Variants in CNTNAP2 observed in about 807,000 individuals in gnomAD.
CNTNAP2 encodes contactin-associated protein-like 2.
In CNTNAP2, 98 loss-of-function variants were observed where a neutral mutation model predicts 155.2. The ratio of observed to expected loss-of-function variants is 0.63; its 90% CI spans 0.54 to 0.75. The LOEUF is 0.75. Ranked by LOEUF, CNTNAP2 falls within the 30% of genes least tolerant of loss-of-function variation. The pLI is 0.00. For missense variants in CNTNAP2, 1,727 were observed against 1,688.1 expected (o/e 1.02, Z -0.40); for synonymous variants, 651 against 631.2 (o/e 1.03, Z -0.47).
At chr7:146,711,426 T>C (rs1235668596) in intron 1 of CNTNAP2, among the ~76,000 whole-genome samples, 1 of 147,634 alleles carries the variant, frequency 6.8e-6, no homozygotes, top group Non-Finnish European at 1.5e-5. Flanking sequence ...ATATATAATA[T>C]ATACTATATA....
At chr7:148,081,571 AC>A (rs1451973824) in intron 15 of CNTNAP2, among the ~76,000 whole-genome samples, 3 of 152,000 alleles carry the variant, frequency 2.0e-5, no homozygotes, top group African/African-American at 7.2e-5. Flanking sequence ...TTGGGATTGG[AC>A]TGGCTCTCTT....
At chr7:146,561,598 G>A (rs927366167) in intron 1 of CNTNAP2, among the ~76,000 whole-genome samples, 2 of 152,086 alleles carry the variant, frequency 1.3e-5, no homozygotes, top group African/African-American at 4.8e-5. Context: ...GTTCCATGCT[G>A]AAGTGAGCAG....
intron 1 of CNTNAP2, among the ~76,000 whole-genome samples, chr7:146,485,706 T>C (rs1280746790): frequency 1.3e-5 from 2 of 152,052 alleles, no homozygotes; most frequent in Admixed American, 1.3e-4. Context: ...CACTGCAGCC[T>C]CCACCTCGAC....
chr7:146,574,057 G>A (rs1450723607), intron 1 of CNTNAP2, among the ~76,000 whole-genome samples: 3 of 152,150 alleles, frequency 2.0e-5, no homozygotes, highest in African/African-American at 7.2e-5. Flanking sequence ...ATGCTAAGAG[G>A]AAGGAAGAGA....
At chr7:146,351,085 T>C (rs1333159608) in intron 1 of CNTNAP2, among the ~76,000 whole-genome samples, 1 of 150,378 alleles carries the variant, frequency 6.6e-6, no homozygotes, top group Admixed American at 6.6e-5. Flanking sequence ...TGCTAAATGA[T>C]GAGTTAATGG....
At chr7:146,437,102 C>T (rs1294254993) in intron 1 of CNTNAP2, among the ~76,000 whole-genome samples, 4 of 151,280 alleles carry the variant, frequency 2.6e-5, no homozygotes, top group South Asian at 4.1e-4. Context: ...ATAGCGTTGG[C>T]GTTAGGTTCT....
chr7:146,641,980 GA>G (rs1437120226), intron 1 of CNTNAP2, among the ~76,000 whole-genome samples: 2 of 151,984 alleles, frequency 1.3e-5, no homozygotes, highest in Non-Finnish European at 2.9e-5. Flanking sequence ...GAACATTCAA[GA>G]AAAGAACATG....
chr7:147,871,143 C>T (rs888708750), intron 13 of CNTNAP2, among the ~76,000 whole-genome samples: 1 of 152,116 alleles, frequency 6.6e-6, no homozygotes, highest in African/African-American at 2.4e-5. Flanking sequence ...AAGTACATTT[C>T]ACTCATTTAA....
intron 3 of CNTNAP2, among the ~76,000 whole-genome samples, chr7:147,038,636 A>C (rs529176095): frequency 9.9e-5 from 15 of 152,272 alleles, no homozygotes; most frequent in African/African-American, 3.1e-4. Flanking sequence ...CGTGCATTGG[A>C]GATCCCAAGG....
rs545073250 is a variant in CNTNAP2, at chr7:146,120,312, A to AT, written c.97+3340dup. Reference sequence around the variant, plus strand: ...TTAGGCAAGCAAAATTCATTGGTTGATAAAGCATAGCACATTATTTGCTTA... The same window carrying AT: ...TTAGGCAAGCAAAATTCATTGGTTGATTAAAGCATAGCACATTATTTGCTTA... On this transcript the variant is annotated intron_variant, in intron 1 of 23. Transcript: ENST00000361727. Among the ~76,000 whole-genome samples the AT allele has an allele frequency of 4.6e-5, 7 of 152,316 alleles. No individual in the cohort carries two copies. In the South Asian group the frequency reaches 1.4e-3, roughly 32 times the overall value.
chr7:146,691,630 TG>T (rs749215324), intron 1 of CNTNAP2, among the ~76,000 whole-genome samples: 1 of 152,116 alleles, frequency 6.6e-6, no homozygotes, highest in Non-Finnish European at 1.5e-5. Flanking sequence ...AGGGAGGGTT[TG>T]TAGTTTCCTT....
At chr7:147,604,650 T>C (rs887518350) in intron 12 of CNTNAP2, among the ~76,000 whole-genome samples, 3 of 152,152 alleles carry the variant, frequency 2.0e-5, no homozygotes, top group African/African-American at 7.2e-5. Flanking sequence ...ACTCTGTTGT[T>C]TTAGAAGGGG....
At chr7:147,424,936 A>C (rs574596326) in intron 10 of CNTNAP2, among the ~76,000 whole-genome samples, 1 of 152,156 alleles carries the variant, frequency 6.6e-6, no homozygotes, top group Admixed American at 6.5e-5. Flanking sequence ...CCAGTCATTT[A>C]TCTTCATCTC....
intron 1 of CNTNAP2, among the ~76,000 whole-genome samples, chr7:146,631,849 C>A (rs556372001): frequency 2.4e-4 from 36 of 152,242 alleles, no homozygotes; most frequent in Admixed American, 5.2e-4. Flanking sequence ...TCAATACTCT[C>A]TTTTGTTGTT....
chr7:147,775,383 ATATT>A lies in CNTNAP2; in HGVS notation c.2099-128178_2099-128175del, dbSNP rs1225319082. ...TTTATAAATATATATATATTTATATATATTTATAAATATATATATTTATATATAT... is the reference window on the plus strand; with the variant it reads ...TTTATAAATATATATATATTTATATATATAAATATATATATTTATATATAT... On this transcript the variant is annotated intron_variant, in intron 13 of 23. Transcript: ENST00000361727. Among the ~76,000 whole-genome samples, 39 of 82,470 alleles carry A rather than the reference ATATT, an allele frequency of 4.7e-4. 1 individual carries two copies. Among genetic ancestry groups the A allele is most frequent in the African/African-American group, 1.8e-3 (35 of 19,504 alleles). 54.1% of individuals were successfully genotyped at this position (82,470 alleles called of 152,430 possible).
At chr7:147,496,623 G>A (rs1329072602) in intron 11 of CNTNAP2, 1 of 152,074 alleles carries the variant, frequency 6.6e-6, no homozygotes, top group Non-Finnish European at 1.5e-5. Flanking sequence ...CCCCTCAGGA[G>A]CGGTCCAGCT....
At chr7:148,320,843 G>C (rs928369217) in intron 21 of CNTNAP2, among the ~76,000 whole-genome samples, 7 of 152,148 alleles carry the variant, frequency 4.6e-5, no homozygotes, top group African/African-American at 1.7e-4. Context: ...AAAGTAAGAA[G>C]GAATAGTTTT....
intron 9 of CNTNAP2, among the ~76,000 whole-genome samples, chr7:147,379,968 A>G (rs528802123): frequency 1.3e-5 from 2 of 152,170 alleles, no homozygotes; most frequent in South Asian, 4.1e-4. Context: ...ATGCTCAGAT[A>G]TATAACTTAA....
intron 9 of CNTNAP2, among the ~76,000 whole-genome samples, chr7:147,336,675 T>C (rs4726845): frequency 0.38 from 58,247 of 151,872 alleles, 11,534 homozygotes; most frequent in South Asian, 0.49. Context: ...GTGGCAGAGA[T>C]ATGATTAGAG....
Sources: allele counts gnomAD v4.1 joint callset (sites outside exome capture counted in the v4.1 genomes callset), GRCh38; gene constraint gnomAD v4.1.1; transcripts MANE v1.5; gene names NCBI Gene and HGNC (gene_info 2026-07-23, HGNC 2026-07-21).